KANSL3: variants seen among roughly 807,000 people sequenced by gnomAD.
KANSL3 encodes KAT8 regulatory NSL complex subunit 3.
In KANSL3, 16 loss-of-function variants were observed where a neutral mutation model predicts 89.2. The observed-to-expected ratio is 0.18, with a 90% CI of 0.12 to 0.27. KANSL3 has a LOEUF of 0.27. Among genes scored for constraint, KANSL3 ranks in the 10% least tolerant of loss-of-function variants. The pLI is 1.00. For synonymous variants in KANSL3, 385 were observed against 419.7 expected, an observed-to-expected ratio of 0.92 and a Z score of 1.01; for missense variants, 879 against 1,110.6, an observed-to-expected ratio of 0.79 and a Z score of 2.96.
In KANSL3 at chr2:96,602,857, T is replaced by C; in HGVS notation, c.2155A>G (p.Thr719Ala). Residue 719 changes from threonine to alanine, a missense_variant, in exon 18 of 21, where the codon ACA (threonine) becomes GCA (alanine). Around this residue, in one of 6 missense-constraint regions of KANSL3, gnomAD observed 317 missense variants for 311.2 expected, o/e 1.02. Transcript: ENST00000431828. ...CCTTGGAGGAGGCTGCTGGCTGATG[T>C]GGCCCCTAAGAGAGGACATAGCAGG... The part of the protein sequence containing the change: ...TSPGSSLPGA[T>A]SASSLLQGLS... 6.2e-7 allele frequency: 1 copy of C among 1,613,838 alleles called. No homozygotes were observed. The highest frequency in any genetic ancestry group is 2.2e-5 in the East Asian group (1 of 44,872).
chr2:96,609,014 G>A lies in KANSL3; in HGVS notation c.1434C>T (p.His478=). 1.3e-6 allele frequency: 2 copies of A among 1,566,048 alleles called. No individual in the cohort carries two copies. The highest frequency in any genetic ancestry group is 1.7e-6 in the Non-Finnish European group (2 of 1,155,100). The change falls in exon 13 of 21, where the codon CAC becomes CAT. Residue 478 remains histidine, a synonymous_variant. Transcript: ENST00000431828. ...CCTGATCCCGAGGTTCAGAGCCCAT[G>A]TGACCCTCAGCACGAGTGAGCACTC... ...LTGVLTRAEG[H]MGSEPRDQDA... is the part of the protein sequence containing the mutation.
At position 96,605,400 on chromosome 2, in the gene KANSL3, G is replaced by A. The variant is rs1246236976; in HGVS notation, c.1853C>T (p.Pro618Leu). 12 of 1,613,910 alleles carry A rather than the reference G, an allele frequency of 7.4e-6. No homozygotes were observed. Among genetic ancestry groups the A allele is most frequent in the South Asian group, 1.1e-5 (1 of 91,072 alleles). ...GGAGATAAGGGACACCTTGATCTTC[G>A]GTCGTTTGGAGGTCTTACTGCCAGG... ...PLPGSKTSKRPKIKVSLISQG... is the reference protein window; with the variant it reads ...PLPGSKTSKRLKIKVSLISQG... The change falls in exon 15 of 21, where the codon CCG becomes CTG. Residue 618 changes from proline to leucine, a missense_variant. Around this residue, in one of 6 missense-constraint regions of KANSL3, gnomAD observed 317 missense variants for 311.2 expected, o/e 1.02. Coordinates refer to ENST00000431828, the MANE Select transcript of KANSL3 (RefSeq NM_001115016.3).
chr2:96,602,942 A>C (rs1054827005), intron 17 of KANSL3, 80 bp from the exon 18 acceptor site: 2 of 1,318,576 alleles, frequency 1.5e-6, no homozygotes, highest in African/African-American at 2.9e-5. Context: ...ATCCACCCTC[A>C]CCACCAACTA....
intron 3 of KANSL3, among the ~76,000 whole-genome samples, chr2:96,624,614 C>T (rs895999738): frequency 6.6e-6 from 1 of 152,080 alleles, no homozygotes; most frequent in Non-Finnish European, 1.5e-5. Flanking sequence ...CTCTGCCTCC[C>T]AGGTTCAAGT....
chr2:96,622,878 A>C (rs1249970189), intron 3 of KANSL3, among the ~76,000 whole-genome samples: 2 of 151,966 alleles, frequency 1.3e-5, no homozygotes, highest in Non-Finnish European at 2.9e-5. Context: ...TCCCTCTCTC[A>C]TCTCCTTCAG....
At chr2:96,592,976 C>A (rs1298524106), downstream of KANSL3, among the ~76,000 whole-genome samples, 1 of 151,728 alleles carries the variant, frequency 6.6e-6, no homozygotes, top group Non-Finnish European at 1.5e-5. Flanking sequence ...GCACTCCAGC[C>A]CAAATAACAA....
Position 96,595,437 on chromosome 2 carries a change from C to T in KANSL3, c.*174G>A, listed in dbSNP as rs2066447956. On this transcript the variant is annotated 3_prime_UTR_variant, in exon 21 of 21. Transcript: ENST00000431828. ...GACGATGGTGCTTCCCTTGCTGGCA[C>T]CGTATCACCTAACCTAATGGTTTCT... 1 of 592,252 alleles carries T rather than the reference C, an allele frequency of 1.7e-6. No individual in the cohort carries two copies. 36.7% of individuals were successfully genotyped at this position (592,252 alleles called of 1,614,324 possible). A position where few individuals can be genotyped will look rare whatever the true frequency, so the allele number is the denominator to read the frequency against.
intron 1 of KANSL3, among the ~76,000 whole-genome samples, chr2:96,637,770 T>C (rs575208620): frequency 1.3e-5 from 2 of 152,312 alleles, no homozygotes; most frequent in Admixed American, 6.5e-5. Flanking sequence ...GTTGTTTACA[T>C]AAAAATGAAA....
chr2:96,588,793 C>T (rs2066257002), downstream of KANSL3, among the ~76,000 whole-genome samples: 1 of 152,088 alleles, frequency 6.6e-6, no homozygotes, highest in Non-Finnish European at 1.5e-5. Flanking sequence ...AGGGTTTCAC[C>T]ATGTTGGCCA....
chr2:96,613,251 A>G (rs1030074389), intron 6 of KANSL3, among the ~76,000 whole-genome samples: 2 of 152,108 alleles, frequency 1.3e-5, no homozygotes, highest in Non-Finnish European at 2.9e-5. Flanking sequence ...CATGCCTGTA[A>G]TCTCAGCTCC....
intron 2 of KANSL3, 181 bp from the exon 3 acceptor site, chr2:96,631,663 C>T (rs1465467617): frequency 1.4e-6 from 1 of 721,254 alleles, no homozygotes; most frequent in Non-Finnish European, 2.5e-6. Flanking sequence ...GATCTCTGCC[C>T]TCTCAGACAT....
At chr2:96,622,696 T>C (rs1207839108) in intron 3 of KANSL3, among the ~76,000 whole-genome samples, 2 of 152,222 alleles carry the variant, frequency 1.3e-5, no homozygotes, top group Non-Finnish European at 2.9e-5. Flanking sequence ...ATGGGCTGCA[T>C]GGACTCCATG....
intron 3 of KANSL3, among the ~76,000 whole-genome samples, chr2:96,624,906 G>A (rs934619180): frequency 1.3e-5 from 2 of 150,606 alleles, no homozygotes; most frequent in Admixed American, 6.6e-5. Context: ...GGCTATCTGT[G>A]TTATAATCTC....
chr2:96,637,083 C>G lies in KANSL3; in HGVS notation c.53G>C (p.Gly18Ala), dbSNP rs934316350. 1.3e-6 allele frequency: 2 copies of G among 1,551,556 alleles called. No individual in the cohort carries two copies. The highest frequency in any genetic ancestry group is 1.7e-6 in the Non-Finnish European group (2 of 1,146,990). ...RDFQTSARRM[G>A]TSLLFQLSVH... The stretch of plus-strand genomic sequence containing the variant: ...TGAAAGCTGGAAGAGCAGCGAGGTG[C>G]CCATGCGTCGAGCTGAAGTCTGGAA... The change falls in exon 2 of 21, where the codon GGC (glycine) becomes GCC (alanine). Residue 18 changes from glycine (G) to alanine (A), a missense_variant. Around this residue, in one of 6 missense-constraint regions of KANSL3, gnomAD observed 210 missense variants for 311.9 expected, o/e 0.67. Coordinates refer to ENST00000431828, the MANE Select transcript of KANSL3 (RefSeq NM_001115016.3).
At chr2:96,598,526 T>C (rs953369417) in intron 20 of KANSL3, among the ~76,000 whole-genome samples, 4 of 152,184 alleles carry the variant, frequency 2.6e-5, no homozygotes, top group African/African-American at 9.7e-5. Flanking sequence ...ATAAAAAGAA[T>C]AGGACACACT....
At chr2:96,626,309 C>A (rs778263582) in intron 3 of KANSL3, among the ~76,000 whole-genome samples, 2 of 133,776 alleles carry the variant, frequency 1.5e-5, no homozygotes, top group Non-Finnish European at 3.1e-5. Context: ...TTATAAAATT[C>A]TTTGTCTAAA....
At chr2:96,583,586 T>G in the KANSL3 span, among the ~76,000 whole-genome samples, 2 of 152,208 alleles carry the variant, frequency 1.3e-5, no homozygotes, top group African/African-American at 4.8e-5. Flanking sequence ...TCATTGCATG[T>G]CAGTGGTTCT....
downstream of KANSL3, among the ~76,000 whole-genome samples, chr2:96,589,290 T>A (rs936868847): frequency 6.6e-6 from 1 of 152,210 alleles, no homozygotes; most frequent in African/African-American, 2.4e-5. Flanking sequence ...AAAAATCATA[T>A]GCTACATGCA....
At chr2:96,637,384 G>C (rs2074394808) in intron 1 of KANSL3, among the ~76,000 whole-genome samples, 199 bp from the exon 2 acceptor site, 1 of 152,094 alleles carries the variant, frequency 6.6e-6, no homozygotes, top group African/African-American at 2.4e-5. Flanking sequence ...GGTGCCACGA[G>C]TTGTCCCATA....
Sources: allele counts gnomAD v4.1 joint callset (sites outside exome capture counted in the v4.1 genomes callset), GRCh38; gene constraint gnomAD v4.1.1; regional missense constraint gnomAD v4.1.1; transcripts MANE v1.5; gene names NCBI Gene and HGNC (gene_info 2026-07-23, HGNC 2026-07-21).